The following ARFGEF1 variants were observed in gnomAD, a reference collection of about 807,000 sequenced individuals.
ARFGEF1 encodes brefeldin A-inhibited guanine nucleotide-exchange protein 1.
ARFGEF1 carries 42 observed loss-of-function variants against 231.0 expected under a neutral mutation model. The observed-to-expected ratio is 0.18, with a 90% CI of 0.14 to 0.24. The LOEUF is 0.24. Ranked by LOEUF, ARFGEF1 falls within the 10% of genes least tolerant of loss-of-function variation. The probability of loss-of-function intolerance (pLI) is 1.00; values close to 1 mark genes in which losing one functional copy is unlikely to be tolerated. For synonymous variants in ARFGEF1, 710 were observed against 732.3 expected (o/e 0.97, Z 0.49); for missense variants, 1,345 against 2,192.0 (o/e 0.61, Z 7.72).
At chr8:67,224,869 A>G in intron 29 of ARFGEF1, 34 bp downstream of exon 29, 2 of 1,440,968 alleles carry the variant, frequency 1.4e-6, no homozygotes, top group Non-Finnish European at 1.9e-6. Context: ...GTCAAAATAA[A>G]TCCAAAATTT....
rs1838188804 is a variant in ARFGEF1 at position 67,198,421 on chromosome 8, A to T, written c.*513T>A. 1.0e-6 allele frequency: 1 copy of T among 986,058 alleles called. No homozygotes were observed. Among genetic ancestry groups the T allele is most frequent in the Admixed American group, 6.1e-5 (1 of 16,310 alleles). The allele number at this position is 986,058 out of a possible 1,614,324, so 61.1% of individuals were successfully genotyped here. A position where few individuals can be genotyped will look rare whatever the true frequency, so the allele number is the denominator to read the frequency against. On this transcript the variant is annotated 3_prime_UTR_variant, in exon 39 of 39. Transcript: ENST00000262215. The stretch of plus-strand genomic sequence containing the variant: ...ATCTCTGTACATTTTTCACAGGATG[A>T]TTACCAGTATCTCAGATAGCCTGAG...
At chr8:67,241,820 A>C (rs1423431918) in intron 19 of ARFGEF1, among the ~76,000 whole-genome samples, 1 of 152,110 alleles carries the variant, frequency 6.6e-6, no homozygotes, top group Non-Finnish European at 1.5e-5. Context: ...AGGGGTAGGA[A>C]AGACAGTCTT....
chr8:67,322,315 T>C (rs1047895190), intron 1 of ARFGEF1, among the ~76,000 whole-genome samples: 1 of 152,248 alleles, frequency 6.6e-6, no homozygotes, highest in Non-Finnish European at 1.5e-5. Flanking sequence ...CGGCTATTCA[T>C]GCCTTAGCTA....
intron 5 of ARFGEF1, among the ~76,000 whole-genome samples, chr8:67,185,251 CA>C (rs1210085943): frequency 2.0e-5 from 3 of 152,154 alleles, no homozygotes; most frequent in Non-Finnish European, 2.9e-5. Flanking sequence ...AAGTGCATGC[CA>C]CCAGCCAATG....
chr8:67,179,805 T>C, intron 5 of ARFGEF1: 1 of 1,176,578 alleles, frequency 8.5e-7, no homozygotes, highest in Non-Finnish European at 1.3e-6. Flanking sequence ...TTAGTATAAA[T>C]TTGTTGTTTT....
At chr8:67,182,087 G>T (rs1359011209) in intron 5 of ARFGEF1, among the ~76,000 whole-genome samples, 1 of 151,978 alleles carries the variant, frequency 6.6e-6, no homozygotes, top group Non-Finnish European at 1.5e-5. Flanking sequence ...CTGCAGCCTT[G>T]ACCTCCCTGT....
chr8:67,180,749 A>G (rs890333011), intron 5 of ARFGEF1, among the ~76,000 whole-genome samples: 2 of 152,152 alleles, frequency 1.3e-5, no homozygotes, highest in African/African-American at 4.8e-5. Flanking sequence ...ATACCTGTGT[A>G]CCTTAATTAT....
In ARFGEF1 at chr8:67,296,616, A is replaced by G; in HGVS notation, c.460-6T>C. 1 of 1,568,732 alleles carries G rather than the reference A, an allele frequency of 6.4e-7. No individual in the cohort carries two copies. The highest frequency in any genetic ancestry group is 2.2e-5 in the East Asian group (1 of 44,510). On this transcript the variant is annotated splice_region_variant and splice_polypyrimidine_tract_variant and intron_variant, in intron 4 of 38. Transcript: ENST00000262215. ...GTTACTGCAGTAAGTAAAGCCTTTA[A>G]GAAAAAAAAAGGAAAAAGTTAAAGA...
chr8:67,323,144 CG>C (rs111511814), intron 1 of ARFGEF1, among the ~76,000 whole-genome samples: 3,361 of 152,026 alleles, frequency 0.022, 80 homozygotes, highest in South Asian at 0.047. Context: ...CCCAGCTACT[CG>C]GGAGGCTGAG....
intron 22 of ARFGEF1, 91 bp downstream of exon 22, chr8:67,238,252 T>G (rs1445988195): frequency 3.0e-6 from 4 of 1,335,206 alleles, no homozygotes; most frequent in African/African-American, 3.0e-5. Context: ...GCATTTTATC[T>G]TCTCCTTCTA....
intron 1 of ARFGEF1, among the ~76,000 whole-genome samples, chr8:67,320,948 T>G (rs1280112572): frequency 6.6e-6 from 1 of 151,578 alleles, no homozygotes; most frequent in African/African-American, 2.4e-5. Context: ...AGAGTGAGAT[T>G]CCATCTCAAA....
At chr8:67,226,220 C>T (rs1296287766) in intron 27 of ARFGEF1, 37 bp from the exon 28 acceptor site, 3 of 1,461,990 alleles carry the variant, frequency 2.1e-6, no homozygotes, top group South Asian at 2.9e-5. Flanking sequence ...TATAATTTTT[C>T]AATTATTCTT....
At chr8:67,259,680 T>TGA in intron 15 of ARFGEF1, 135 bp downstream of exon 15, 1 of 541,204 alleles carries the variant, frequency 1.8e-6, no homozygotes. Flanking sequence ...TTTGGGAGGC[T>TGA]GAGGCAGGAG....
rs1838203785 is a variant in ARFGEF1 at position 67,198,786 on chromosome 8, G to T, written c.*148C>A. 6 of 1,437,774 alleles carry T rather than the reference G, an allele frequency of 4.2e-6. No individual in the cohort carries two copies. Among genetic ancestry groups the T allele is most frequent in the African/African-American group, 2.9e-5 (2 of 69,090 alleles). 89.1% of individuals were successfully genotyped at this position (1,437,774 alleles called of 1,614,324 possible). On this transcript the variant is annotated 3_prime_UTR_variant, in exon 39 of 39. Coordinates refer to ENST00000262215, the MANE Select transcript of ARFGEF1 (RefSeq NM_006421.5). Reference sequence around the variant, plus strand: ...CAGCACTAAAAGGGACTGGAGTGTTGCAAGTTTGAGTAAGACTTCTAAGCA... The same window carrying T: ...CAGCACTAAAAGGGACTGGAGTGTTTCAAGTTTGAGTAAGACTTCTAAGCA...
intron 5 of ARFGEF1, among the ~76,000 whole-genome samples, chr8:67,185,208 GTTGT>G (rs546048641): frequency 5.0e-4 from 76 of 152,116 alleles, no homozygotes; most frequent in Non-Finnish European, 1.0e-3. Context: ...TTGAGAAGTG[GTTGT>G]TTATCTCCGT....
At chr8:67,322,123 T>C (rs536827791) in intron 1 of ARFGEF1, among the ~76,000 whole-genome samples, 1 of 152,360 alleles carries the variant, frequency 6.6e-6, no homozygotes, top group South Asian at 2.1e-4. Flanking sequence ...AACAGGTACC[T>C]TTCAAGGTTG....
chr8:67,296,914 A>C (rs906384369), intron 4 of ARFGEF1, among the ~76,000 whole-genome samples: 4 of 152,020 alleles, frequency 2.6e-5, no homozygotes, highest in African/African-American at 9.7e-5. Context: ...AGCCTCCCAA[A>C]GTGCGGGGGT....
At chr8:67,281,449 AACTT>A (rs1232965653) in intron 7 of ARFGEF1, among the ~76,000 whole-genome samples, 2 of 152,102 alleles carry the variant, frequency 1.3e-5, no homozygotes, top group African/African-American at 2.4e-5. Context: ...CAAACAAGAA[AACTT>A]ACTTAATTTG....
Position 67,226,059 on chromosome 8 carries a change from A to G in ARFGEF1, c.4041T>C (p.Ile1347=). ...CAGACACATATTTTGCACAATGGCG[A>G]ATAAGTCGAATTGCTTCCATACTTG... The part of the protein sequence containing the change: ...PDTSMEAIRL[I]RHCAKYVSDR... The change falls in exon 28 of 39, where the codon ATT becomes ATC. Residue 1347 remains isoleucine (I), a synonymous_variant. Coordinates refer to ENST00000262215, the MANE Select transcript of ARFGEF1 (RefSeq NM_006421.5). 4 of 1,612,570 alleles carry G rather than the reference A, an allele frequency of 2.5e-6. No individual in the cohort carries two copies. The highest frequency in any genetic ancestry group is 3.4e-6 in the Non-Finnish European group (4 of 1,179,266).
Sources: allele counts gnomAD v4.1 joint callset (sites outside exome capture counted in the v4.1 genomes callset), GRCh38; gene constraint gnomAD v4.1.1; transcripts MANE v1.5; gene names NCBI Gene and HGNC (gene_info 2026-07-23, HGNC 2026-07-21).